The following INTS8 variants were observed in gnomAD, a reference collection of about 807,000 sequenced individuals.
INTS8 encodes integrator complex subunit 8, also known as protein kaonashi-1.
Under a neutral mutation model 138.9 loss-of-function variants are expected in INTS8, and 47 were observed. That is an observed-to-expected ratio of 0.34 (90% confidence interval 0.27 to 0.43). The LOEUF is 0.43. Among genes scored for constraint, INTS8 ranks in the 20% least tolerant of loss-of-function variants. The probability of loss-of-function intolerance (pLI) is 1.00; values close to 1 mark genes in which losing one functional copy is unlikely to be tolerated. For missense variants in INTS8, 996 were observed against 1,173.0 expected (o/e 0.85, Z 2.20); for synonymous variants, 392 against 400.9 (o/e 0.98, Z 0.27).
chr8:94,837,694 CA>C (rs1814976124), intron 7 of INTS8, among the ~76,000 whole-genome samples: 3 of 151,970 alleles, frequency 2.0e-5, no homozygotes, highest in Admixed American at 2.0e-4. Flanking sequence ...TTAATTTTAA[CA>C]CTGTTTGCTC....
chr8:94,844,672 G>A (rs1304983973), intron 10 of INTS8, among the ~76,000 whole-genome samples: 1 of 151,056 alleles, frequency 6.6e-6, no homozygotes, highest in African/African-American at 2.4e-5. Context: ...TTTCTTTTTT[G>A]TAGGAGATCT....
chr8:94,839,165 C>G (rs1815043806), intron 8 of INTS8, among the ~76,000 whole-genome samples: 1 of 151,892 alleles, frequency 6.6e-6, no homozygotes, highest in African/African-American at 2.4e-5. Context: ...TTTGGATGGT[C>G]TGTTAGAAAC....
intron 16 of INTS8, among the ~76,000 whole-genome samples, chr8:94,862,625 G>A (rs1317909277): frequency 6.6e-6 from 1 of 152,200 alleles, no homozygotes; most frequent in Non-Finnish European, 1.5e-5. Context: ...CCAAAAGGAG[G>A]AAGGATGTGT....
chr8:94,875,082 A>G (rs758213123), intron 23 of INTS8, among the ~76,000 whole-genome samples: 1 of 152,194 alleles, frequency 6.6e-6, no homozygotes, highest in African/African-American at 2.4e-5. Flanking sequence ...AAAGGTAAAC[A>G]TAAGAATTAC....
intron 14 of INTS8, among the ~76,000 whole-genome samples, chr8:94,856,393 G>T (rs559625600): frequency 6.6e-6 from 1 of 152,294 alleles, no homozygotes; most frequent in East Asian, 1.9e-4. Context: ...TAGTACGGTG[G>T]TGTGCAAAGA....
In INTS8 at chr8:94,827,280, T is replaced by G; in HGVS notation, c.323T>G (p.Leu108Trp). The G allele has an allele frequency of 6.2e-7, 1 of 1,613,738 alleles. No homozygotes were observed. Among genetic ancestry groups the G allele is most frequent in the African/African-American group, 1.3e-5 (1 of 75,042 alleles). The change falls in exon 3 of 27, where the codon TTG becomes TGG. Residue 108 changes from leucine (L) to tryptophan (W), a missense_variant. Physicochemically the swap from Leu to Trp is moderately conservative, Grantham distance 61 (BLOSUM62 -2). Transcript: ENST00000523731. ...ILEKSLSVPV[L>W]NMLLNELLCI... is the part of the protein sequence containing the mutation. ...TCTTCAAGTTTGTCTGTTCCAGTAT[T>G]GAATATGCTACTAAATGAACTACTC...
At chr8:94,846,027 T>A (rs1484960712) in intron 10 of INTS8, among the ~76,000 whole-genome samples, 1 of 152,216 alleles carries the variant, frequency 6.6e-6, no homozygotes. Context: ...CAGTCTTTAG[T>A]GTCCTTTAGA....
At chr8:94,827,871 T>G (rs1347458263) in intron 4 of INTS8, 78 bp downstream of exon 4, 1 of 1,152,348 alleles carries the variant, frequency 8.7e-7, no homozygotes, top group African/African-American at 1.5e-5. Context: ...TTTAATAACC[T>G]CTGTTATAGA....
At chr8:94,834,590 G>C (rs560399894) in intron 6 of INTS8, among the ~76,000 whole-genome samples, 1 of 151,892 alleles carries the variant, frequency 6.6e-6, no homozygotes, top group South Asian at 2.1e-4. Context: ...TGTGATCCCA[G>C]CTACTCGGCA....
At chr8:94,842,518 T>C in intron 10 of INTS8, 30 bp downstream of exon 10, 1 of 1,571,130 alleles carries the variant, frequency 6.4e-7, no homozygotes. Context: ...CCCCTTTTGA[T>C]TTATAATTTG....
intron 17 of INTS8, 61 bp from the exon 18 acceptor site, chr8:94,866,097 T>G: frequency 1.4e-6 from 1 of 727,106 alleles, no homozygotes; most frequent in Non-Finnish European, 2.3e-6. Flanking sequence ...ATAATTTACT[T>G]TCTTGATTTT....
intron 4 of INTS8, 48 bp from the exon 5 acceptor site, chr8:94,828,927 C>A: frequency 7.9e-7 from 1 of 1,269,898 alleles, no homozygotes; most frequent in South Asian, 1.2e-5. Context: ...ATTTTTTAGT[C>A]TTGAGAGTAA....
chr8:94,851,231 T>C (rs190893887), intron 12 of INTS8, among the ~76,000 whole-genome samples: 1 of 146,892 alleles, frequency 6.8e-6, no homozygotes, highest in African/African-American at 2.5e-5. Flanking sequence ...GTATAAGTTG[T>C]GTATAAGTCT....
chr8:94,842,953 C>T (rs1815189585), intron 10 of INTS8, among the ~76,000 whole-genome samples: 1 of 151,862 alleles, frequency 6.6e-6, no homozygotes, highest in Non-Finnish European at 1.5e-5. Flanking sequence ...GAGAGAAGTA[C>T]ATAAAGCACA....
chr8:94,850,553 A>G (rs1344152084), intron 12 of INTS8, among the ~76,000 whole-genome samples: 1 of 149,624 alleles, frequency 6.7e-6, no homozygotes, highest in African/African-American at 2.5e-5. Context: ...CGGAGCTTGC[A>G]GTGAGCCAAG....
chr8:94,881,057 T>G lies in INTS8; in HGVS notation c.*823T>G, dbSNP rs569977088. The G allele has an allele frequency of 7.6e-4, 301 of 398,324 alleles. No individual in the cohort carries two copies. The highest frequency in any genetic ancestry group is 5.5e-3 in the African/African-American group (267 of 48,752). The allele number at this position is 398,324 out of a possible 1,614,324, so 24.7% of individuals were successfully genotyped here. A position where few individuals can be genotyped will look rare whatever the true frequency, so the allele number is the denominator to read the frequency against. On this transcript the variant is annotated 3_prime_UTR_variant, in exon 27 of 27. Coordinates refer to ENST00000523731, the MANE Select transcript of INTS8 (RefSeq NM_017864.4). ...GCAAATAAACTAGTTTAAAAAACAT[T>G]AAATTTCACCATTTGTAGAAATTCA... is the stretch of plus-strand genomic sequence containing the variant.
In INTS8 at chr8:94,881,667, G is replaced by T. The variant is rs752373315; in HGVS notation, c.*1433G>T. ...CCTGGTGGTTTTTCAGTGCTCTTCGGTGGTGTCATAATGCCTCCATTGCAC... is the reference window on the plus strand; with the variant it reads ...CCTGGTGGTTTTTCAGTGCTCTTCGTTGGTGTCATAATGCCTCCATTGCAC... On this transcript the variant is annotated 3_prime_UTR_variant, in exon 27 of 27. Coordinates refer to ENST00000523731, the MANE Select transcript of INTS8 (RefSeq NM_017864.4). The T allele has an allele frequency of 6.2e-7, 1 of 1,613,484 alleles. No individual in the cohort carries two copies. Among genetic ancestry groups the T allele is most frequent in the Non-Finnish European group, 8.5e-7 (1 of 1,179,786 alleles).
chr8:94,870,303 G>A (rs1006973190), intron 20 of INTS8, among the ~76,000 whole-genome samples: 7 of 151,912 alleles, frequency 4.6e-5, no homozygotes, highest in Admixed American at 2.0e-4. Context: ...CACCTGCCTC[G>A]GCCTCCCAAA....
At chr8:94,865,460 C>G (rs370044660) in intron 16 of INTS8, 46 bp from the exon 17 acceptor site, 1 of 1,486,254 alleles carries the variant, frequency 6.7e-7, no homozygotes, top group East Asian at 2.3e-5. Context: ...CTAATGTGCA[C>G]GACATTACAG....
Sources: gnomAD v4.1 joint callset for allele counts (sites outside exome capture counted in the v4.1 genomes callset) on GRCh38, gnomAD v4.1.1 for gene constraint, MANE v1.5 for transcripts, NCBI Gene and HGNC (gene_info 2026-07-23, HGNC 2026-07-21) for gene names.